PLCXD3: variants seen among roughly 807,000 people sequenced by gnomAD.
PLCXD3 encodes phosphatidylinositol specific phospholipase C X domain containing 3.
A neutral mutation model predicts 25.5 loss-of-function variants in PLCXD3; 19 were observed. That is an observed-to-expected ratio of 0.75 (90% CI 0.52 to 1.09). The LOEUF is 1.09. Ranked by LOEUF, PLCXD3 falls within the 50% of genes least tolerant of loss-of-function variation. The probability of loss-of-function intolerance (pLI) is 0.00; values close to 1 mark genes in which losing one functional copy is unlikely to be tolerated. For synonymous variants in PLCXD3, 174 were observed against 137.6 expected (o/e 1.26, Z -1.85); for missense variants, 411 against 388.1 (o/e 1.06, Z -0.50).
intron 2 of PLCXD3, among the ~76,000 whole-genome samples, chr5:41,317,451 A>G (rs1221882748): frequency 6.6e-6 from 1 of 152,130 alleles, no homozygotes. Flanking sequence ...CAATGTCCAG[A>G]CATTGAAGAA....
At chr5:41,489,293 C>G (rs1748595884) in intron 1 of PLCXD3, among the ~76,000 whole-genome samples, 1 of 152,118 alleles carries the variant, frequency 6.6e-6, no homozygotes, top group Non-Finnish European at 1.5e-5. Flanking sequence ...ATCTATATCT[C>G]TGTTTTGGTA....
intron 1 of PLCXD3, among the ~76,000 whole-genome samples, chr5:41,437,461 G>A (rs1215949948): frequency 1.3e-5 from 2 of 152,232 alleles, no homozygotes. Flanking sequence ...TGTGGGAAGA[G>A]GTGAGGGAAG....
At chr5:41,510,206 A>AC (rs1480632206) in intron 1 of PLCXD3, among the ~76,000 whole-genome samples, 1 of 152,204 alleles carries the variant, frequency 6.6e-6, no homozygotes, top group African/African-American at 2.4e-5. Context: ...GGAGAAAAGC[A>AC]GTCACCTTGA....
At chr5:41,320,718 G>C (rs1010867134) in intron 2 of PLCXD3, among the ~76,000 whole-genome samples, 1 of 152,104 alleles carries the variant, frequency 6.6e-6, no homozygotes, top group South Asian at 2.1e-4. Context: ...GGATGGTCTC[G>C]ATCTCCTGAC....
intron 1 of PLCXD3, among the ~76,000 whole-genome samples, chr5:41,467,031 T>G (rs1253829560): frequency 6.6e-6 from 1 of 152,156 alleles, no homozygotes; most frequent in African/African-American, 2.4e-5. Flanking sequence ...AGTGCAGACA[T>G]TCCTTTGACA....
intron 2 of PLCXD3, among the ~76,000 whole-genome samples, chr5:41,346,019 A>G (rs1472120687): frequency 6.6e-6 from 1 of 152,160 alleles, no homozygotes; most frequent in Non-Finnish European, 1.5e-5. Flanking sequence ...AGCTGGGACT[A>G]CAGGCACCCA....
At chr5:41,439,245 A>G (rs1205544179) in intron 1 of PLCXD3, among the ~76,000 whole-genome samples, 1 of 152,130 alleles carries the variant, frequency 6.6e-6, no homozygotes, top group Non-Finnish European at 1.5e-5. Context: ...GAGAGAGATT[A>G]TTTTCATTAC....
chr5:41,365,037 T>A (rs1170413540), intron 2 of PLCXD3, among the ~76,000 whole-genome samples: 1 of 152,212 alleles, frequency 6.6e-6, no homozygotes, highest in Non-Finnish European at 1.5e-5. Flanking sequence ...TTTTCTCTCT[T>A]ATGTACATCT....
At chr5:41,467,507 C>G (rs749597772) in intron 1 of PLCXD3, among the ~76,000 whole-genome samples, 4 of 152,106 alleles carry the variant, frequency 2.6e-5, no homozygotes, top group Non-Finnish European at 4.4e-5. Flanking sequence ...TGGGTCATCA[C>G]TTCACTTTGT....
At chr5:41,340,501 G>T (rs943372024) in intron 2 of PLCXD3, among the ~76,000 whole-genome samples, 5 of 152,106 alleles carry the variant, frequency 3.3e-5, no homozygotes, top group African/African-American at 4.8e-5. Context: ...TCTTTCCACA[G>T]CTGGGGTTCA....
In PLCXD3 at chr5:41,481,069, A is replaced by T. The variant is rs534260909; in HGVS notation, c.103+29355T>A. Among the ~76,000 whole-genome samples the T allele has an allele frequency of 4.5e-3, 646 of 144,648 alleles. 7 individuals are homozygous for T. Among genetic ancestry groups the T allele is most frequent in the African/African-American group, 0.016 (616 of 39,496 alleles). The allele number at this position is 144,648 out of a possible 152,430, so 94.9% of individuals were successfully genotyped here. ...ACCAAATTTATAATTGTCAATGGAG[A>T]GAGTCCTGAAGAAATAATGAAGACC... On this transcript the variant is annotated intron_variant, in intron 1 of 2. Transcript: ENST00000377801.
intron 2 of PLCXD3, among the ~76,000 whole-genome samples, chr5:41,374,289 C>T (rs1385415459): frequency 1.3e-5 from 2 of 152,072 alleles, no homozygotes; most frequent in Admixed American, 6.6e-5. Context: ...CAGGAACTTA[C>T]ATTTTAACAA....
At chr5:41,381,179 T>G (rs1434676588) in intron 2 of PLCXD3, among the ~76,000 whole-genome samples, 1 of 152,076 alleles carries the variant, frequency 6.6e-6, no homozygotes, top group African/African-American at 2.4e-5. Flanking sequence ...ATTAGGGATA[T>G]TAAAAGACTC....
chr5:41,324,298 G>T (rs147675229), intron 2 of PLCXD3, among the ~76,000 whole-genome samples: 4 of 152,258 alleles, frequency 2.6e-5, no homozygotes, highest in African/African-American at 9.6e-5. Flanking sequence ...CATTTCCCCA[G>T]ATCTCAGAAA....
At chr5:41,493,923 C>T (rs6871071) in intron 1 of PLCXD3, among the ~76,000 whole-genome samples, 2,244 of 152,286 alleles carry the variant, frequency 0.015, 60 homozygotes, top group African/African-American at 0.051. Context: ...CTTCGGCTCG[C>T]GCACAGTGCG....
At chr5:41,422,785 C>T (rs528882800) in intron 1 of PLCXD3, among the ~76,000 whole-genome samples, 3 of 151,938 alleles carry the variant, frequency 2.0e-5, no homozygotes, top group Non-Finnish European at 2.9e-5. Flanking sequence ...CATTTTTTTC[C>T]AGTATGTGTG....
intron 2 of PLCXD3, among the ~76,000 whole-genome samples, chr5:41,336,521 C>G (rs567015723): frequency 6.6e-6 from 1 of 152,128 alleles, no homozygotes; most frequent in African/African-American, 2.4e-5. Flanking sequence ...TGACTGAACT[C>G]TATTCATTCA....
intron 2 of PLCXD3, among the ~76,000 whole-genome samples, chr5:41,370,431 A>G (rs1745061614): frequency 6.6e-6 from 1 of 152,204 alleles, no homozygotes; most frequent in African/African-American, 2.4e-5. Flanking sequence ...AATATTATAG[A>G]AAACATCATT....
chr5:41,452,396 C>G (rs975919215), intron 1 of PLCXD3, among the ~76,000 whole-genome samples: 1 of 152,004 alleles, frequency 6.6e-6, no homozygotes, highest in African/African-American at 2.4e-5. Flanking sequence ...GTGATCTAAA[C>G]TTTATAAGCA....
Sources: allele counts gnomAD v4.1 joint callset (sites outside exome capture counted in the v4.1 genomes callset), GRCh38; gene constraint gnomAD v4.1.1; transcripts MANE v1.5; gene names NCBI Gene and HGNC (gene_info 2026-07-23, HGNC 2026-07-21).